The following SIRPG variants were observed in gnomAD, a reference collection of about 807,000 sequenced individuals.
The protein encoded by SIRPG is signal-regulatory protein gamma.
In SIRPG, 38 loss-of-function variants were observed where a neutral mutation model predicts 35.7. That is an observed-to-expected ratio of 1.06 (90% CI 0.82 to 1.40). The LOEUF is 1.40. SIRPG is among the 40% of genes most tolerant of loss of function. The pLI is 0.00. For missense variants in SIRPG, 519 were observed against 483.0 expected (o/e 1.07, Z -0.70); for synonymous variants, 215 against 190.4 (o/e 1.13, Z -1.06).
chr20:1,634,268 A>G (rs6034235), intron 4 of SIRPG, among the ~76,000 whole-genome samples: 37,480 of 144,676 alleles, frequency 0.26, 4,887 homozygotes, highest in Admixed American at 0.35. Context: ...GTGCAGTGGC[A>G]TGATCTCGGC....
intron 3 of SIRPG, 37 bp downstream of exon 3, chr20:1,636,151 C>A (rs1365548217): frequency 1.2e-6 from 2 of 1,608,906 alleles, no homozygotes; most frequent in Non-Finnish European, 1.7e-6. Context: ...GCTTGACAGC[C>A]AGGTGTGGGC....
intron 1 of SIRPG, among the ~76,000 whole-genome samples, chr20:1,655,055 G>A (rs1396645387): frequency 6.6e-6 from 1 of 152,208 alleles, no homozygotes; most frequent in Non-Finnish European, 1.5e-5. Flanking sequence ...GTGGAGAAAA[G>A]GGAACCCTTG....
In SIRPG at chr20:1,649,203, G is replaced by GAC. The variant is rs1167399410; in HGVS notation, c.278_279insGT (p.Asp93GlufsTer29). 2 of 1,614,006 alleles carry GAC rather than the reference G, an allele frequency of 1.2e-6. No individual in the cohort carries two copies. The highest frequency in any genetic ancestry group is 2.7e-5 in the African/African-American group (2 of 74,896). Reference sequence around the variant, plus strand: ...AGTCCATGTTGTTTCTCTTTGTGAGGTCTGAAACTGTTGTTACCCTGGGGA... The same window carrying GAC: ...AGTCCATGTTGTTTCTCTTTGTGAGGACTCTGAAACTGTTGTTACCCTGGGGA... On this transcript the variant is annotated frameshift_variant, in exon 2 of 6. Coordinates refer to ENST00000303415, the MANE Select transcript of SIRPG (RefSeq NM_018556.4). LOFTEE classifies it high-confidence loss of function.
At chr20:1,650,526 G>A (rs2091934227) in intron 1 of SIRPG, among the ~76,000 whole-genome samples, 1 of 151,986 alleles carries the variant, frequency 6.6e-6, no homozygotes, top group African/African-American at 2.4e-5. Flanking sequence ...GCTGCAAGAT[G>A]GAATAATTAA....
the SIRPG span, among the ~76,000 whole-genome samples, chr20:1,672,265 C>A: frequency 6.6e-6 from 1 of 151,860 alleles, no homozygotes; most frequent in South Asian, 2.1e-4. Context: ...CTATCTTTAA[C>A]CCAAATTTCG....
chr20:1,681,117 G>T, the SIRPG span, among the ~76,000 whole-genome samples: 2 of 152,108 alleles, frequency 1.3e-5, no homozygotes, highest in Non-Finnish European at 1.5e-5. Flanking sequence ...TGAATTTGGA[G>T]AAAATAAATT....
chr20:1,630,300 G>A lies in SIRPG; in HGVS notation c.1088C>T (p.Ala363Val). 6.4e-7 allele frequency: 1 copy of A among 1,560,152 alleles called. No homozygotes were observed. The highest frequency in any genetic ancestry group is 8.7e-7 in the Non-Finnish European group (1 of 1,151,716). The change falls in exon 5 of 6, where the codon GCA becomes GTA. Residue 363 changes from alanine to valine, a missense_variant. Transcript: ENST00000303415. ...DQSSDATPGP[A>V]SSLTALLLIA... is the part of the protein sequence containing the mutation. Reference sequence around the variant, plus strand: ...GAGGAGCAGCGCAGTAAGGGATGATGCCGGGCCTGGAAATCAGGGAAGACG... The same window carrying A: ...GAGGAGCAGCGCAGTAAGGGATGATACCGGGCCTGGAAATCAGGGAAGACG...
At chr20:1,669,158 A>C in the SIRPG span, among the ~76,000 whole-genome samples, 1 of 152,290 alleles carries the variant, frequency 6.6e-6, no homozygotes, top group South Asian at 2.1e-4. Flanking sequence ...AATTAGCACA[A>C]ATTTGCCGTA....
At chr20:1,655,673 G>A (rs1239764244) in intron 1 of SIRPG, among the ~76,000 whole-genome samples, 1 of 152,108 alleles carries the variant, frequency 6.6e-6, no homozygotes, top group Non-Finnish European at 1.5e-5. Context: ...CAGAGTTTAC[G>A]AGTTCTCACA....
the SIRPG span, among the ~76,000 whole-genome samples, chr20:1,683,166 T>C: frequency 6.6e-6 from 1 of 152,172 alleles, no homozygotes; most frequent in African/African-American, 2.4e-5. Context: ...TTACTATTCA[T>C]CAGAGAAATG....
upstream of SIRPG, among the ~76,000 whole-genome samples, chr20:1,658,474 A>C (rs1228309130): frequency 6.6e-6 from 1 of 152,140 alleles, no homozygotes; most frequent in Non-Finnish European, 1.5e-5. Context: ...GGGCCGTCGC[A>C]TCAATTTCAA....
the SIRPG span, chr20:1,671,043 G>C: frequency 7.8e-5 from 33 of 425,422 alleles, no homozygotes; most frequent in South Asian, 3.9e-4. Context: ...CAGGGTCCAC[G>C]TTGATCTGGA....
At chr20:1,679,639 C>T in the SIRPG span, among the ~76,000 whole-genome samples, 5 of 152,110 alleles carry the variant, frequency 3.3e-5, no homozygotes, top group Non-Finnish European at 7.4e-5. Context: ...AATTGTTCAT[C>T]TTCATATGTC....
At position 1,630,253 on chromosome 20, in the gene SIRPG, T is replaced by C; in HGVS notation, c.1135A>G (p.Ile379Val). ...LLLIAVLLGP[I>V]YVPWKQKT ...GTCTTCTGCTTCCAGGGGACGTAGA[T>C]GGGGCCCAGGAGGACAGCTATGAGG... The change falls in exon 5 of 6, where the codon ATC becomes GTC. Residue 379 changes from isoleucine (I) to valine (V), a missense_variant. By Grantham distance (29) the Ile-to-Val change is conservative. Transcript: ENST00000303415. 6.4e-7 allele frequency: 1 copy of C among 1,574,472 alleles called. No individual in the cohort carries two copies. Among genetic ancestry groups the C allele is most frequent in the East Asian group, 2.3e-5 (1 of 43,108 alleles).
At chr20:1,647,726 G>A (rs1316883205) in intron 2 of SIRPG, 2 of 152,240 alleles carry the variant, frequency 1.3e-5, no homozygotes, top group Non-Finnish European at 2.9e-5. Context: ...GAGTGGAGCA[G>A]TTCTATGTCC....
intron 1 of SIRPG, among the ~76,000 whole-genome samples, chr20:1,654,182 T>C (rs1234206178): frequency 6.8e-6 from 1 of 148,024 alleles, no homozygotes; most frequent in Non-Finnish European, 1.5e-5. Context: ...GAGATTGCAG[T>C]GAGCTGAGAT....
rs753213551 is a variant in SIRPG, at chr20:1,635,271, G to C, written c.1077C>G (p.Thr359=). 1 of 1,602,960 alleles carries C rather than the reference G, an allele frequency of 6.2e-7. No individual in the cohort carries two copies. The highest frequency in any genetic ancestry group is 1.7e-5 in the Admixed American group (1 of 59,210). The change falls in exon 4 of 6, where the codon ACC becomes ACG. Residue 359 remains threonine (T), a synonymous_variant. Coordinates refer to ENST00000303415, the MANE Select transcript of SIRPG (RefSeq NM_018556.4). ...VHQKDQSSDA[T]PGPASSLTAL... is the part of the protein sequence containing the mutation. ...AAAAATTTTGAGTAACCTCACCAGG[G>C]GTAGCATCTGAGCTCTGGTCCTTCT...
chr20:1,680,459 A>C, the SIRPG span, among the ~76,000 whole-genome samples: 1 of 152,238 alleles, frequency 6.6e-6, no homozygotes, highest in Non-Finnish European at 1.5e-5. Flanking sequence ...CTAAGCTTCC[A>C]CTAGAACACA....
intron 2 of SIRPG, 92 bp downstream of exon 2, chr20:1,648,956 GAAAA>G: frequency 8.5e-7 from 1 of 1,181,380 alleles, no homozygotes; most frequent in Non-Finnish European, 1.2e-6. Flanking sequence ...AATGAGCACT[GAAAA>G]TCACACCTGA....
Sources: allele counts gnomAD v4.1 joint callset (sites outside exome capture counted in the v4.1 genomes callset), GRCh38; gene constraint gnomAD v4.1.1; transcripts MANE v1.5; gene names NCBI Gene and HGNC (gene_info 2026-07-23, HGNC 2026-07-21).